Variants in TMEM63C observed in about 807,000 individuals in gnomAD.
TMEM63C encodes transmembrane protein 63C, also known as osmosensitive cation channel TMEM63C.
In TMEM63C, 32 loss-of-function variants were observed where a neutral mutation model predicts 99.2. The ratio of observed to expected loss-of-function variants is 0.32; its 90% CI spans 0.24 to 0.43. The LOEUF is 0.43. TMEM63C is among the 20% of genes least tolerant of loss of function. TMEM63C has a pLI of 1.00. For missense variants in TMEM63C, 826 were observed against 1,053.0 expected (o/e 0.78, Z 2.98); for synonymous variants, 376 against 397.9 (o/e 0.94, Z 0.66).
chr14:77,247,209 T>A (rs1404599130), intron 18 of TMEM63C, among the ~76,000 whole-genome samples: 1 of 103,266 alleles, frequency 9.7e-6, no homozygotes, highest in Non-Finnish European at 2.0e-5. Flanking sequence ...AAGATATTGC[T>A]TTTTTTTTTG....
intron 3 of TMEM63C, 95 bp from the exon 4 acceptor site, chr14:77,219,401 TCA>T: frequency 7.8e-7 from 1 of 1,285,850 alleles, no homozygotes; most frequent in Non-Finnish European, 1.1e-6. Flanking sequence ...CCTGGGGACC[TCA>T]GGGACAGGGT....
intron 1 of TMEM63C, among the ~76,000 whole-genome samples, chr14:77,188,756 C>T (rs1346816021): frequency 2.6e-5 from 4 of 152,026 alleles, no homozygotes; most frequent in Admixed American, 2.6e-4. Flanking sequence ...GACCCAGCTA[C>T]TTGGGAGGCT....
intron 6 of TMEM63C, among the ~76,000 whole-genome samples, chr14:77,227,472 T>C (rs11627633): frequency 0.57 from 86,611 of 152,108 alleles, 25,342 homozygotes; most frequent in African/African-American, 0.7. Flanking sequence ...GTATGCAAGC[T>C]GACAAAGGAG....
intron 1 of TMEM63C, among the ~76,000 whole-genome samples, chr14:77,191,614 G>A (rs952339509): frequency 2.3e-5 from 3 of 128,348 alleles, no homozygotes; most frequent in African/African-American, 5.9e-5. Context: ...GTGCAATCTC[G>A]GCTCACCACA....
In TMEM63C at chr14:77,257,040, A is replaced by C; in HGVS notation, c.*314A>C. The C allele has an allele frequency of 1.6e-5, 5 of 311,702 alleles. No individual in the cohort carries two copies. Among genetic ancestry groups the C allele is most frequent in the Non-Finnish European group, 3.0e-5 (5 of 166,246 alleles). 19.3% of individuals were successfully genotyped at this position (311,702 alleles called of 1,614,324 possible). A position where few individuals can be genotyped will look rare whatever the true frequency, so the allele number is the denominator to read the frequency against. On this transcript the variant is annotated 3_prime_UTR_variant, in exon 24 of 24. Coordinates refer to ENST00000298351, the MANE Select transcript of TMEM63C (RefSeq NM_020431.4). ...GCTGGGGTCCCTTCCTGGGACCAAG[A>C]TGGAGAAGGTGTTCCTAAGGGAGGA...
intron 6 of TMEM63C, among the ~76,000 whole-genome samples, chr14:77,230,864 A>G (rs1028240922): frequency 5.3e-5 from 8 of 152,218 alleles, no homozygotes; most frequent in African/African-American, 1.9e-4. Flanking sequence ...TTTCACCTTG[A>G]TAGACATGTA....
At position 77,244,460 on chromosome 14, in the gene TMEM63C, C is replaced by A. The variant is rs148919490; in HGVS notation, c.1448+5C>A. The stretch of plus-strand genomic sequence containing the variant: ...CCTCGAGGCCCACTGGACCAGGTGA[C>A]CTGGGGGCCTCCTCTCGTAGCCCTG... On this transcript the variant is annotated splice_donor_5th_base_variant and intron_variant, in intron 16 of 23. Transcript: ENST00000298351. 2.5e-6 allele frequency: 4 copies of A among 1,610,580 alleles called. No homozygotes were observed. The highest frequency in any genetic ancestry group is 3.4e-6 in the Non-Finnish European group (4 of 1,177,096).
Position 77,245,956 on chromosome 14 carries a change from G to C in TMEM63C, c.1465G>C (p.Val489Leu). ...TCCTTCTAGATCAAGTCAGAATCTG[G>C]TCATGGTGCACAAGTGCTACATCTT... ...AHWTRSSQNL[V>L]MVHKCYIFLV... The change falls in exon 17 of 24, where the codon GTC (valine) becomes CTC (leucine). Residue 489 changes from valine to leucine, a missense_variant. Coordinates refer to ENST00000298351, the MANE Select transcript of TMEM63C (RefSeq NM_020431.4). 1.2e-6 allele frequency: 2 copies of C among 1,613,936 alleles called. No homozygotes were observed. The highest frequency in any genetic ancestry group is 2.2e-5 in the South Asian group (2 of 91,080).
At chr14:77,238,235 G>C (rs1049259643) in intron 9 of TMEM63C, among the ~76,000 whole-genome samples, 2 of 152,210 alleles carry the variant, frequency 1.3e-5, no homozygotes, top group Admixed American at 6.5e-5. Context: ...CCAGTCTCAC[G>C]TGAGGGATTT....
At position 77,218,756 on chromosome 14, in the gene TMEM63C, G is replaced by A. The variant is rs1166378596; in HGVS notation, c.-13-45G>A. The A allele has an allele frequency of 1.9e-6, 3 of 1,599,598 alleles. No individual in the cohort carries two copies. In the South Asian group the frequency reaches 3.4e-5, roughly 18 times the overall value. Reference sequence around the variant, plus strand: ...ATCGGGCTTCTGTGTTTTGCAAAATGCAAGGGAGTCTTTGCATCTGACCTG... The same window carrying A: ...ATCGGGCTTCTGTGTTTTGCAAAATACAAGGGAGTCTTTGCATCTGACCTG... On this transcript the variant is annotated intron_variant, in intron 2 of 23. Transcript: ENST00000298351.
At chr14:77,250,969 C>T (rs1475447856) in intron 21 of TMEM63C, among the ~76,000 whole-genome samples, 1 of 152,190 alleles carries the variant, frequency 6.6e-6, no homozygotes, top group African/African-American at 2.4e-5. Flanking sequence ...CAGGCATGCG[C>T]TTTGGGGCTT....
chr14:77,249,334 C>T lies in TMEM63C; in HGVS notation c.1914C>T (p.Asn638=). The part of the protein sequence containing the change: ...LCMKHLTDRY[N]MYYSFAPTKL... ...TGAAGCACTTGACGGATCGCTATAA[C>T]ATGTACTACTCCTTTGCACCCACCA... The change falls in exon 21 of 24, where the codon AAC becomes AAT. Residue 638 remains asparagine (N), a synonymous_variant. Transcript: ENST00000298351. The T allele has an allele frequency of 6.2e-7, 1 of 1,614,054 alleles. No homozygotes were observed. The highest frequency in any genetic ancestry group is 8.5e-7 in the Non-Finnish European group (1 of 1,179,904).
intron 1 of TMEM63C, among the ~76,000 whole-genome samples, chr14:77,191,006 A>G (rs1479302140): frequency 6.6e-6 from 1 of 152,272 alleles, no homozygotes; most frequent in Non-Finnish European, 1.5e-5. Context: ...ATTAGAAATA[A>G]TAAAAGAATA....
In TMEM63C at chr14:77,258,442, A is replaced by AT. The variant is rs1324261131; in HGVS notation, c.*1720dup. 3.3e-5 allele frequency: 5 copies of AT among 152,326 alleles called. No homozygotes were observed. Among genetic ancestry groups the AT allele is most frequent in the Non-Finnish European group, 7.3e-5 (5 of 68,116 alleles). 9.4% of individuals were successfully genotyped at this position (152,326 alleles called of 1,614,324 possible). On this transcript the variant is annotated 3_prime_UTR_variant, in exon 24 of 24. Coordinates refer to ENST00000298351, the MANE Select transcript of TMEM63C (RefSeq NM_020431.4). The stretch of plus-strand genomic sequence containing the variant: ...GCTATACCCCCAGGGCATGGCCCAC[A>AT]TTTTGGCATGAGGGTGTCTTTCCAG...
At chr14:77,196,756 A>G (rs1163945129) in intron 1 of TMEM63C, among the ~76,000 whole-genome samples, 2 of 152,254 alleles carry the variant, frequency 1.3e-5, no homozygotes, top group African/African-American at 4.8e-5. Flanking sequence ...CTCAAGTATT[A>G]CTTGTATCAA....
At position 77,256,633 on chromosome 14, in the gene TMEM63C, A is replaced by T; in HGVS notation, c.2328A>T (p.Glu776Asp). The part of the protein sequence containing the change: ...GTMNNQPEEG[E>D]EESGLRGFAR... The stretch of plus-strand genomic sequence containing the variant: ...TGAACAACCAGCCGGAAGAGGGAGA[A>T]GAAGAGAGTGGTCTGAGGGGCTTTG... Residue 776 changes from glutamate to aspartate, a missense_variant, in exon 24 of 24, where the codon GAA (glutamate) becomes GAT (aspartate). Coordinates refer to ENST00000298351, the MANE Select transcript of TMEM63C (RefSeq NM_020431.4). The T allele has an allele frequency of 6.2e-7, 1 of 1,614,000 alleles. No individual in the cohort carries two copies. Among genetic ancestry groups the T allele is most frequent in the Non-Finnish European group, 8.5e-7 (1 of 1,179,872 alleles).
chr14:77,248,668 C>A, intron 19 of TMEM63C, 99 bp from the exon 20 acceptor site: 1 of 1,504,354 alleles, frequency 6.6e-7, no homozygotes, highest in Non-Finnish European at 9.2e-7. Flanking sequence ...AGGAGGCTGC[C>A]TCCAGGCCTG....
At chr14:77,229,322 G>C (rs1220652828) in intron 6 of TMEM63C, among the ~76,000 whole-genome samples, 1 of 151,950 alleles carries the variant, frequency 6.6e-6, no homozygotes, top group Non-Finnish European at 1.5e-5. Flanking sequence ...ACTTGAATCT[G>C]GGAGACAGAG....
intron 5 of TMEM63C, among the ~76,000 whole-genome samples, chr14:77,223,125 C>T (rs932251651): frequency 2.0e-5 from 3 of 152,166 alleles, no homozygotes; most frequent in African/African-American, 7.2e-5. Context: ...CTCTTGAAGG[C>T]TTCCTGGATA....
Sources: gnomAD v4.1 joint callset for allele counts (sites outside exome capture counted in the v4.1 genomes callset) on GRCh38, gnomAD v4.1.1 for gene constraint, MANE v1.5 for transcripts, NCBI Gene and HGNC (gene_info 2026-07-23, HGNC 2026-07-21) for gene names.